Variants in PCNX2 observed in about 807,000 individuals in gnomAD.
The protein encoded by PCNX2 is pecanex-like protein 2.
In PCNX2, 168 loss-of-function variants were observed where a neutral mutation model predicts 223.8. The observed-to-expected ratio is 0.75, with a 90% CI of 0.66 to 0.85. The LOEUF (loss-of-function observed/expected upper bound fraction) is 0.85. PCNX2 is among the 40% of genes least tolerant of loss of function. The pLI is 0.00. For synonymous variants in PCNX2, 1,006 were observed against 1,052.6 expected (o/e 0.96, Z 0.86); for missense variants, 2,507 against 2,675.5 (o/e 0.94, Z 1.39).
intron 1 of PCNX2, among the ~76,000 whole-genome samples, chr1:233,280,298 CTTTT>C (rs34738587): frequency 1.7e-5 from 2 of 115,848 alleles, no homozygotes; most frequent in African/African-American, 3.1e-5. Flanking sequence ...TCCATATTAC[CTTTT>C]TTTTTTTTTT....
At chr1:233,009,923 C>T (rs753467523) in intron 28 of PCNX2, among the ~76,000 whole-genome samples, 4 of 152,174 alleles carry the variant, frequency 2.6e-5, no homozygotes, top group Non-Finnish European at 4.4e-5. Flanking sequence ...ATTTAAGGTC[C>T]CAGAAACTTC....
chr1:233,291,317 G>C (rs1382042968), intron 1 of PCNX2, among the ~76,000 whole-genome samples: 1 of 152,132 alleles, frequency 6.6e-6, no homozygotes, highest in African/African-American at 2.4e-5. Context: ...CAATTGATAA[G>C]AGGAAGAACG....
Position 233,001,467 on chromosome 1 carries a change from G to A in PCNX2, c.5097+70C>T, listed in dbSNP as rs193087926. On this transcript the variant is annotated intron_variant, in intron 29 of 33. Coordinates refer to ENST00000258229, the MANE Select transcript of PCNX2 (RefSeq NM_014801.4). This position sits in a 1 kb window ranked among gnomAD's most constrained non-coding sequence, Gnocchi z 4.2. ...GCACCCCAGCCTGGGCAACAAGAGC[G>A]AAACTCCATCTCATAAATAAATAAA... The A allele has an allele frequency of 5.4e-5, 56 of 1,046,264 alleles. No individual in the cohort carries two copies. Among genetic ancestry groups the A allele is most frequent in the African/African-American group, 3.7e-4 (21 of 57,482 alleles). The allele number at this position is 1,046,264 out of a possible 1,614,324, so 64.8% of individuals were successfully genotyped here. A position where few individuals can be genotyped will look rare whatever the true frequency, so the allele number is the denominator to read the frequency against.
chr1:233,117,345 C>T (rs1402179302), intron 21 of PCNX2, among the ~76,000 whole-genome samples: 3 of 152,110 alleles, frequency 2.0e-5, no homozygotes, highest in Non-Finnish European at 2.9e-5. Context: ...AAGACCACAA[C>T]CCCCGGCCTG....
chr1:233,291,530 C>G (rs1558431595), intron 1 of PCNX2: 2 of 334,768 alleles, frequency 6.0e-6, no homozygotes, highest in Middle Eastern at 1.5e-3. Flanking sequence ...ATCGCTTGAA[C>G]CCGGGAGGTG....
Position 233,135,189 on chromosome 1 carries a change from A to T in PCNX2, c.3661T>A (p.Trp1221Arg), listed in dbSNP as rs1003154460. The change falls in exon 21 of 34, where the codon TGG (tryptophan) becomes AGG (arginine). Residue 1221 changes from tryptophan to arginine, a missense_variant and splice_region_variant. By Grantham distance (101) the Trp-to-Arg change is moderately radical (BLOSUM62 -3). Coordinates refer to ENST00000258229, the MANE Select transcript of PCNX2 (RefSeq NM_014801.4). ...GCAATGATCATCAGAAAAATGTCCCAGCTGTTGGAAACAAAAGAAAAGATG... is the reference window on the plus strand; with the variant it reads ...GCAATGATCATCAGAAAAATGTCCCTGCTGTTGGAAACAAAAGAAAAGATG... ...ISNHRRLGTH[W>R]DIFLMIIAGM... The T allele has an allele frequency of 1.2e-6, 2 of 1,612,518 alleles. No individual in the cohort carries two copies. The highest frequency in any genetic ancestry group is 2.7e-5 in the African/African-American group (2 of 74,844).
intron 25 of PCNX2, among the ~76,000 whole-genome samples, chr1:233,034,918 C>T (rs772721157): frequency 9.9e-5 from 15 of 151,976 alleles, no homozygotes; most frequent in Non-Finnish European, 1.9e-4. Flanking sequence ...TTTTCAAGTC[C>T]CAGGGAAACA....
At chr1:233,247,592 G>C (rs1430774035) in intron 8 of PCNX2, among the ~76,000 whole-genome samples, 1 of 152,078 alleles carries the variant, frequency 6.6e-6, no homozygotes, top group Non-Finnish European at 1.5e-5. Context: ...CAAAAGTGCT[G>C]AGATTGCCAG....
At chr1:233,207,467 T>C (rs143646791) in intron 13 of PCNX2, among the ~76,000 whole-genome samples, 80 of 152,308 alleles carry the variant, frequency 5.3e-4, no homozygotes, top group African/African-American at 1.9e-3. Context: ...TGCAAACCCC[T>C]GGATGTCTCT....
chr1:233,121,788 CAAGTT>C (rs1675811014), intron 21 of PCNX2, among the ~76,000 whole-genome samples: 1 of 152,122 alleles, frequency 6.6e-6, no homozygotes, highest in Non-Finnish European at 1.5e-5. Context: ...AATTTGAACT[CAAGTT>C]TAGTTTAATG....
At chr1:233,044,496 T>C (rs1671757035) in intron 25 of PCNX2, among the ~76,000 whole-genome samples, 2 of 152,162 alleles carry the variant, frequency 1.3e-5, no homozygotes, top group South Asian at 2.1e-4. Context: ...CTCTTGAATG[T>C]TTTCCTGACA....
intron 25 of PCNX2, chr1:233,047,391 T>C (rs1671858588): frequency 9.1e-6 from 9 of 985,292 alleles, no homozygotes; most frequent in Non-Finnish European, 1.1e-5. Context: ...CTTGGACCCT[T>C]TAAACTCAAA....
At chr1:233,133,914 G>A (rs965540389) in intron 21 of PCNX2, among the ~76,000 whole-genome samples, 4 of 151,436 alleles carry the variant, frequency 2.6e-5, no homozygotes, top group African/African-American at 7.3e-5. Context: ...CAATGGTGGG[G>A]TGGTGGGAAT....
chr1:233,234,113 G>A (rs1658241210), intron 9 of PCNX2, among the ~76,000 whole-genome samples: 1 of 152,026 alleles, frequency 6.6e-6, no homozygotes, highest in East Asian at 1.9e-4. Flanking sequence ...TTGTAGGCAG[G>A]GACTGAGTCT....
In PCNX2 at chr1:233,160,296, T is replaced by C; in HGVS notation, c.3504A>G (p.Gln1168=). ...HPILKNKEYH[Q]REVRDVAHLM... is the part of the protein sequence containing the mutation. ...TATATTACTAACCTCTCACTTCCCG[T>C]TGATGATACTCTTTGTTTTTGAGAA... The change falls in exon 19 of 34, where the codon CAA becomes CAG. Residue 1168 remains glutamine (Q), a synonymous_variant. Coordinates refer to ENST00000258229, the MANE Select transcript of PCNX2 (RefSeq NM_014801.4). 1 of 1,613,560 alleles carries C rather than the reference T, an allele frequency of 6.2e-7. No homozygotes were observed. Among genetic ancestry groups the C allele is most frequent in the Non-Finnish European group, 8.5e-7 (1 of 1,179,612 alleles).
intron 23 of PCNX2, among the ~76,000 whole-genome samples, chr1:233,085,533 G>A (rs1673559500): frequency 6.6e-6 from 1 of 152,044 alleles, no homozygotes; most frequent in Admixed American, 6.6e-5. Context: ...AACCACCCTT[G>A]AATCTTACCA....
At chr1:233,170,337 G>T (rs1432743506) in intron 17 of PCNX2, among the ~76,000 whole-genome samples, 2 of 152,016 alleles carry the variant, frequency 1.3e-5, no homozygotes, top group Non-Finnish European at 2.9e-5. Context: ...ATTTTTTTTA[G>T]TCTGGTAGTT....
At chr1:233,322,802 A>T in the PCNX2 span, among the ~76,000 whole-genome samples, 1 of 151,986 alleles carries the variant, frequency 6.6e-6, no homozygotes. Context: ...TCTCTGCATG[A>T]CCCAAGAGCG....
chr1:233,048,355 G>T (rs1423463918), intron 25 of PCNX2, among the ~76,000 whole-genome samples: 1 of 152,174 alleles, frequency 6.6e-6, no homozygotes, highest in Non-Finnish European at 1.5e-5. Context: ...TACTTGGGAG[G>T]CTGAGGCAGG....
Sources: allele counts gnomAD v4.1 joint callset (sites outside exome capture counted in the v4.1 genomes callset), GRCh38; gene constraint gnomAD v4.1.1; non-coding constraint Gnocchi (gnomAD v3.1); transcripts MANE v1.5; gene names NCBI Gene and HGNC (gene_info 2026-07-23, HGNC 2026-07-21).